The following CERS6 variants were observed in gnomAD, a reference collection of about 807,000 sequenced individuals.
CERS6 encodes LAG1 homolog, ceramide synthase 6.
Under a neutral mutation model 56.8 loss-of-function variants are expected in CERS6, and 26 were observed. That is an observed-to-expected ratio of 0.46 (90% CI 0.34 to 0.63). The LOEUF (loss-of-function observed/expected upper bound fraction) is 0.63. Ranked by LOEUF, CERS6 falls within the 30% of genes least tolerant of loss-of-function variation. The pLI is 0.01. For synonymous variants in CERS6, 164 were observed against 173.3 expected, an observed-to-expected ratio of 0.95 and a Z score of 0.42; for missense variants, 415 against 467.5, an observed-to-expected ratio of 0.89 and a Z score of 1.04.
chr2:168,543,733 C>T (rs776635345), intron 1 of CERS6, among the ~76,000 whole-genome samples: 5 of 152,052 alleles, frequency 3.3e-5, no homozygotes, highest in Non-Finnish European at 7.4e-5. Flanking sequence ...TTAAAAAAAT[C>T]TTGAAAATTA....
intron 3 of CERS6, among the ~76,000 whole-genome samples, chr2:168,571,718 A>G (rs1025802806): frequency 6.6e-6 from 1 of 152,222 alleles, no homozygotes; most frequent in Non-Finnish European, 1.5e-5. Flanking sequence ...TTTATGGGGT[A>G]TGTGAGATAT....
At chr2:168,600,325 C>A (rs1683904413) in intron 3 of CERS6, among the ~76,000 whole-genome samples, 1 of 152,038 alleles carries the variant, frequency 6.6e-6, no homozygotes, top group South Asian at 2.1e-4. Flanking sequence ...CAGCCACAGC[C>A]TCCTGAGTAG....
At chr2:168,627,836 T>G (rs1684625137) in intron 3 of CERS6, among the ~76,000 whole-genome samples, 2 of 152,124 alleles carry the variant, frequency 1.3e-5, no homozygotes, top group Admixed American at 1.3e-4. Context: ...CTTCCAGATC[T>G]AGGATCTTTT....
intron 3 of CERS6, among the ~76,000 whole-genome samples, chr2:168,626,954 C>G (rs1420886097): frequency 6.6e-6 from 1 of 152,118 alleles, no homozygotes; most frequent in African/African-American, 2.4e-5. Context: ...TTTTGTGTCC[C>G]TGGGAGTTTA....
chr2:168,523,797 T>C (rs1161826527), intron 1 of CERS6, among the ~76,000 whole-genome samples: 1 of 151,824 alleles, frequency 6.6e-6, no homozygotes, highest in Non-Finnish European at 1.5e-5. Flanking sequence ...CAGTGGCCTT[T>C]AGACCTCTGC....
chr2:168,530,292 A>G (rs1015365280), intron 1 of CERS6, among the ~76,000 whole-genome samples: 2 of 152,212 alleles, frequency 1.3e-5, no homozygotes, highest in African/African-American at 2.4e-5. Context: ...ATATCCTTCC[A>G]TGAGAGGGGC....
chr2:168,515,986 A>C (rs1365791952), intron 1 of CERS6, among the ~76,000 whole-genome samples: 4 of 152,214 alleles, frequency 2.6e-5, no homozygotes, highest in Admixed American at 2.0e-4. Context: ...GGAATGTCAG[A>C]ATTCAGCAAA....
At position 168,738,220 on chromosome 2, in the gene CERS6, G is replaced by A. The variant is rs113469008; in HGVS notation, c.845+20242G>A. ...AATGAAGCTGGGCGTGGTAGTCCAGGCCTTGCTTTCTGCTTACAGCTATTA... is the reference window on the plus strand; with the variant it reads ...AATGAAGCTGGGCGTGGTAGTCCAGACCTTGCTTTCTGCTTACAGCTATTA... On this transcript the variant is annotated intron_variant, in intron 8 of 9. Transcript: ENST00000305747. 4.8e-3 allele frequency among the ~76,000 whole-genome samples: 731 copies of A among 152,304 alleles called. 4 individuals carry two copies. The highest frequency in any genetic ancestry group is 0.017 in the African/African-American group (708 of 41,558).
chr2:168,702,562 T>A (rs1686831971), intron 6 of CERS6, among the ~76,000 whole-genome samples: 1 of 152,142 alleles, frequency 6.6e-6, no homozygotes, highest in Non-Finnish European at 1.5e-5. Flanking sequence ...AGATTGGTAG[T>A]GATATTAACA....
At chr2:168,460,154 A>G (rs1693752582) in intron 1 of CERS6, among the ~76,000 whole-genome samples, 2 of 149,768 alleles carry the variant, frequency 1.3e-5, no homozygotes, top group South Asian at 4.2e-4. Flanking sequence ...ATTACTAATT[A>G]TTATCTGATG....
chr2:168,683,471 A>G (rs1162578339), intron 4 of CERS6, among the ~76,000 whole-genome samples: 1 of 152,100 alleles, frequency 6.6e-6, no homozygotes, highest in Non-Finnish European at 1.5e-5. Flanking sequence ...AGAAATAGTA[A>G]TCCTTTATCT....
At chr2:168,769,056 T>G (rs1684798974) in intron 9 of CERS6, among the ~76,000 whole-genome samples, 2 of 152,198 alleles carry the variant, frequency 1.3e-5, no homozygotes, top group South Asian at 4.1e-4. Context: ...ATAGGAATTT[T>G]TTTTTTTCAG....
intron 2 of CERS6, among the ~76,000 whole-genome samples, chr2:168,549,492 A>C (rs938424720): frequency 6.6e-6 from 1 of 151,930 alleles, no homozygotes; most frequent in Non-Finnish European, 1.5e-5. Flanking sequence ...AAAATTAGCC[A>C]GGCGTGGTGG....
At chr2:168,607,610 G>T (rs1483087849) in intron 3 of CERS6, among the ~76,000 whole-genome samples, 1 of 152,174 alleles carries the variant, frequency 6.6e-6, no homozygotes, top group Non-Finnish European at 1.5e-5. Flanking sequence ...TCGATCTCCT[G>T]ATCTTGTGAT....
At chr2:168,631,711 T>G in intron 4 of CERS6, among the ~76,000 whole-genome samples, 1 of 115,400 alleles carries the variant, frequency 8.7e-6, no homozygotes, top group Non-Finnish European at 1.6e-5. Context: ...TATATTTATA[T>G]TATATTTATA....
In CERS6 at chr2:168,771,800, T is replaced by C. The variant is rs1490971537; in HGVS notation, c.*2138T>C. 1 of 152,168 alleles carries C rather than the reference T, an allele frequency of 6.6e-6. No homozygotes were observed. Among genetic ancestry groups the C allele is most frequent in the African/African-American group, 2.4e-5 (1 of 41,440 alleles). 9.4% of individuals were successfully genotyped at this position (152,168 alleles called of 1,614,324 possible). ...GGAGGTCATCTTGTAAATTAAAGGT[T>C]TAGAAGAATTGCATAAAACGTAGTA... is the stretch of plus-strand genomic sequence containing the variant. On this transcript the variant is annotated 3_prime_UTR_variant, in exon 10 of 10. Coordinates refer to ENST00000305747, the MANE Select transcript of CERS6 (RefSeq NM_203463.3).
chr2:168,718,017 T>C, intron 8 of CERS6, 39 bp downstream of exon 8: 1 of 1,407,442 alleles, frequency 7.1e-7, no homozygotes, highest in African/African-American at 1.4e-5. Context: ...AGCCACCCTT[T>C]CCAAATAAGC....
At chr2:168,526,867 G>C (rs1444580343) in intron 1 of CERS6, among the ~76,000 whole-genome samples, 1 of 152,196 alleles carries the variant, frequency 6.6e-6, no homozygotes, top group Admixed American at 6.5e-5. Context: ...AACAAATTCT[G>C]TATTAGCCTG....
chr2:168,650,104 G>C (rs1685307480), intron 4 of CERS6, among the ~76,000 whole-genome samples: 3 of 152,330 alleles, frequency 2.0e-5, no homozygotes, highest in Admixed American at 1.3e-4. Context: ...AGGAGCTGCT[G>C]TTCCACGTAG....
Sources: allele counts gnomAD v4.1 joint callset (sites outside exome capture counted in the v4.1 genomes callset), GRCh38; gene constraint gnomAD v4.1.1; transcripts MANE v1.5; gene names NCBI Gene and HGNC (gene_info 2026-07-23, HGNC 2026-07-21).